ANKRD30B: variants seen among roughly 807,000 people sequenced by gnomAD.
ANKRD30B encodes the protein ankyrin repeat domain 30B, also known as ankyrin repeat domain-containing protein 30B.
A neutral mutation model predicts 202.2 loss-of-function variants in ANKRD30B; 144 were observed. That is an observed-to-expected ratio of 0.71 (90% confidence interval 0.62 to 0.82). The LOEUF is 0.82. Ranked by LOEUF, ANKRD30B falls within the 40% of genes least tolerant of loss-of-function variation. The pLI is 0.00. For synonymous variants in ANKRD30B, 508 were observed against 561.3 expected, an observed-to-expected ratio of 0.91 and a Z score of 1.34; for missense variants, 1,487 against 1,669.1, an observed-to-expected ratio of 0.89 and a Z score of 1.90.
intron 15 of ANKRD30B, among the ~76,000 whole-genome samples, chr18:14,787,411 G>T (rs1968158882): frequency 6.6e-6 from 1 of 152,162 alleles, no homozygotes; most frequent in Admixed American, 6.5e-5. Context: ...ATTACACTGA[G>T]TCCAGCTATG....
Position 14,762,116 on chromosome 18 carries a change from A to G in ANKRD30B, c.820+1498A>G, listed in dbSNP as rs1915353469. On this transcript the variant is annotated intron_variant, in intron 6 of 43. Coordinates refer to ENST00000690538, the MANE Select transcript of ANKRD30B (RefSeq NM_001367607.2). Reference sequence around the variant, plus strand: ...ACTATTTATTAAGTGGAAGTCAATTATTATACATAAAGGTCTTCATTCTTA... The same window carrying G: ...ACTATTTATTAAGTGGAAGTCAATTGTTATACATAAAGGTCTTCATTCTTA... Among the ~76,000 whole-genome samples the G allele has an allele frequency of 4.6e-5, 7 of 152,340 alleles. No homozygotes were observed. In the South Asian group the frequency reaches 1.4e-3, roughly 32 times the overall value.
chr18:14,937,621 C>T, the ANKRD30B span, among the ~76,000 whole-genome samples: 44,696 of 152,018 alleles, frequency 0.29, 7,439 homozygotes, highest in South Asian at 0.41. Flanking sequence ...CCAGGTTCCT[C>T]GAGCTTAATA....
At position 14,791,629 on chromosome 18, in the gene ANKRD30B, A is replaced by T. The variant is rs1488792527; in HGVS notation, c.1825+138A>T. The T allele has an allele frequency of 4.5e-6, 3 of 663,296 alleles. No individual in the cohort carries two copies. In the Admixed American group the frequency reaches 9.3e-5, roughly 20 times the overall value. The allele number at this position is 663,296 out of a possible 1,614,324, so 41.1% of individuals were successfully genotyped here. Reference sequence around the variant, plus strand: ...AAAAAAGAGAAGTGAAACGGTGATAAGTTATACGTCTTATCAGGTGTTGGT... The same window carrying T: ...AAAAAAGAGAAGTGAAACGGTGATATGTTATACGTCTTATCAGGTGTTGGT... On this transcript the variant is annotated intron_variant, in intron 16 of 43. Coordinates refer to ENST00000690538, the MANE Select transcript of ANKRD30B (RefSeq NM_001367607.2).
chr18:14,848,900 T>C lies in ANKRD30B; in HGVS notation c.3366T>C (p.Ala1122=). 1 of 1,596,508 alleles carries C rather than the reference T, an allele frequency of 6.3e-7. No individual in the cohort carries two copies. The highest frequency in any genetic ancestry group is 1.1e-5 in the South Asian group (1 of 87,406). Reference sequence around the variant, plus strand: ...AATCACAGTTAGAGAACCAAAAAGCTAAATGGGAACAAGAGCTCTGCAGTG... The same window carrying C: ...AATCACAGTTAGAGAACCAAAAAGCCAAATGGGAACAAGAGCTCTGCAGTG... ...EIKSQLENQK[A]KWEQELCSVR... is the part of the protein sequence containing the mutation. The change falls in exon 40 of 44, where the codon GCT becomes GCC. Residue 1122 remains alanine, a synonymous_variant. Coordinates refer to ENST00000690538, the MANE Select transcript of ANKRD30B (RefSeq NM_001367607.2).
the ANKRD30B span, among the ~76,000 whole-genome samples, chr18:14,933,968 G>C: frequency 3.9e-5 from 6 of 152,140 alleles, no homozygotes; most frequent in Admixed American, 3.9e-4. Context: ...TTCTCTAAAC[G>C]ATGTCTCAGG....
At chr18:14,787,013 A>T (rs1348975296) in intron 14 of ANKRD30B, 26 bp from the exon 15 acceptor site, 1 of 1,594,382 alleles carries the variant, frequency 6.3e-7, no homozygotes, top group East Asian at 2.2e-5. Flanking sequence ...GTTCTCATGA[A>T]TACATCTGTG....
At chr18:14,830,773 T>C (rs1031924352) in intron 33 of ANKRD30B, among the ~76,000 whole-genome samples, 1 of 152,196 alleles carries the variant, frequency 6.6e-6, no homozygotes, top group African/African-American at 2.4e-5. Flanking sequence ...CTAATTATAC[T>C]CAGGGTATGC....
intron 4 of ANKRD30B, among the ~76,000 whole-genome samples, chr18:14,756,102 A>T (rs1300033841): frequency 6.6e-6 from 1 of 152,082 alleles, no homozygotes; most frequent in East Asian, 1.9e-4. Flanking sequence ...CATTCTAACT[A>T]GTGTGAGATG....
chr18:14,767,364 A>G (rs764481127), intron 7 of ANKRD30B, among the ~76,000 whole-genome samples: 1 of 152,212 alleles, frequency 6.6e-6, no homozygotes, highest in Non-Finnish European at 1.5e-5. Flanking sequence ...ATGCATATTT[A>G]TGATAGTTTA....
At position 14,760,623 on chromosome 18, in the gene ANKRD30B, G is replaced by C. The variant is rs1381328930; in HGVS notation, c.820+5G>C. On this transcript the variant is annotated splice_donor_5th_base_variant and intron_variant, in intron 6 of 43. Coordinates refer to ENST00000690538, the MANE Select transcript of ANKRD30B (RefSeq NM_001367607.2). The stretch of plus-strand genomic sequence containing the variant: ...ATCCTCAAAATACCAATCCAGGTAA[G>C]ACTTCGGATAGCAAACTACTCTTGA... 6.5e-7 allele frequency: 1 copy of C among 1,529,154 alleles called. No homozygotes were observed. Among genetic ancestry groups the C allele is most frequent in the East Asian group, 2.5e-5 (1 of 40,182 alleles). The allele number at this position is 1,529,154 out of a possible 1,614,324, so 94.7% of individuals were successfully genotyped here.
the ANKRD30B span, among the ~76,000 whole-genome samples, chr18:14,896,253 T>C: frequency 6.6e-6 from 1 of 151,782 alleles, no homozygotes; most frequent in Non-Finnish European, 1.5e-5. Context: ...TGCCTCAGCC[T>C]CCCGAATAGC....
chr18:14,817,081 TAAAGA>T, intron 30 of ANKRD30B: 1 of 152,120 alleles, frequency 6.6e-6, no homozygotes, highest in East Asian at 1.9e-4. Flanking sequence ...AAATAAAAAA[TAAAGA>T]AAACATTTCT....
intron 34 of ANKRD30B, among the ~76,000 whole-genome samples, chr18:14,836,412 C>T (rs535156127): frequency 6.6e-6 from 1 of 152,146 alleles, no homozygotes; most frequent in South Asian, 2.1e-4. Context: ...GCACTTCAAC[C>T]CTTCTCCATG....
chr18:14,766,810 A>G (rs1174991790), intron 7 of ANKRD30B, among the ~76,000 whole-genome samples: 2 of 152,200 alleles, frequency 1.3e-5, no homozygotes, highest in African/African-American at 2.4e-5. Context: ...TCACAGAGTC[A>G]GAAGACTTGG....
intron 7 of ANKRD30B, among the ~76,000 whole-genome samples, chr18:14,765,295 T>C (rs1402784469): frequency 6.6e-6 from 1 of 151,908 alleles, no homozygotes; most frequent in African/African-American, 2.4e-5. Flanking sequence ...AAGCCCCATC[T>C]CTACTAAAAA....
At chr18:14,881,359 A>T in the ANKRD30B span, among the ~76,000 whole-genome samples, 3 of 150,434 alleles carry the variant, frequency 2.0e-5, no homozygotes, top group East Asian at 2.0e-4. Context: ...AGTTTTTTTA[A>T]TTCTGTTTAT....
intron 32 of ANKRD30B, among the ~76,000 whole-genome samples, chr18:14,826,693 T>TCTCACACAGACACA (rs762792279): frequency 8.0e-6 from 1 of 124,968 alleles, no homozygotes; most frequent in South Asian, 3.0e-4. Context: ...TCTCTCTCTC[T>TCTCACACAGACACA]CACACACACA....
the ANKRD30B span, among the ~76,000 whole-genome samples, chr18:14,870,521 A>G: frequency 6.6e-6 from 1 of 152,122 alleles, no homozygotes; most frequent in East Asian, 1.9e-4. Context: ...TCAGTGTCCA[A>G]AGGGGAACAC....
At chr18:14,782,452 A>C in intron 11 of ANKRD30B, 75 bp from the exon 12 acceptor site, 1 of 1,071,022 alleles carries the variant, frequency 9.3e-7, no homozygotes, top group Non-Finnish European at 1.3e-6. Context: ...GAGTTTAAAA[A>C]ATATTTTAAT....
Sources: gnomAD v4.1 joint callset for allele counts (sites outside exome capture counted in the v4.1 genomes callset) on GRCh38, gnomAD v4.1.1 for gene constraint, MANE v1.5 for transcripts, NCBI Gene and HGNC (gene_info 2026-07-23, HGNC 2026-07-21) for gene names.